The following PABPC4L variants were observed in gnomAD, a reference collection of about 807,000 sequenced individuals.
PABPC4L encodes polyadenylate-binding protein 4-like.
For synonymous variants in PABPC4L, 169 were observed against 164.1 expected (o/e 1.03, Z -0.23); for missense variants, 452 against 451.4 (o/e 1.00, Z -0.01).
chr4:134,018,839 G>A, the PABPC4L span, among the ~76,000 whole-genome samples: 1 of 151,956 alleles, frequency 6.6e-6, no homozygotes, highest in East Asian at 1.9e-4. Flanking sequence ...ACTACAGATG[G>A]CTTCAAATTT....
rs754981840 is a variant in PABPC4L, at chr4:134,197,340, A to G, written c.*2567T>C. 1 of 151,740 alleles carries G rather than the reference A, an allele frequency of 6.6e-6. No individual in the cohort carries two copies. The highest frequency in any genetic ancestry group is 1.5e-5 in the Non-Finnish European group (1 of 67,664). 9.4% of individuals were successfully genotyped at this position (151,740 alleles called of 1,614,324 possible). The stretch of plus-strand genomic sequence containing the variant: ...CTTTTTATGAACCAAAATTTTAGTT[A>G]GAAGCATTGAGAATATGAAAATCTG... On this transcript the variant is annotated 3_prime_UTR_variant, in exon 2 of 2. Coordinates refer to ENST00000421491, the MANE Select transcript of PABPC4L (RefSeq NM_001114734.2).
At chr4:134,109,305 G>A in the PABPC4L span, among the ~76,000 whole-genome samples, 1 of 151,642 alleles carries the variant, frequency 6.6e-6, no homozygotes. Context: ...ACATTTGGTG[G>A]CTTTTAGAGA....
chr4:134,179,268 A>T, the PABPC4L span, among the ~76,000 whole-genome samples: 1 of 151,956 alleles, frequency 6.6e-6, no homozygotes. Flanking sequence ...AGAAAAAAAA[A>T]TTTCAACCAA....
chr4:134,141,282 A>C, the PABPC4L span, among the ~76,000 whole-genome samples: 511 of 151,662 alleles, frequency 3.4e-3, 3 homozygotes, highest in Middle Eastern at 0.01. Context: ...CTTTTCTGAA[A>C]TGTATCTGGT....
At chr4:134,078,651 CTTT>C in the PABPC4L span, among the ~76,000 whole-genome samples, 51 of 115,866 alleles carry the variant, frequency 4.4e-4, no homozygotes, top group African/African-American at 1.3e-3. Context: ...AGTTTTGTAG[CTTT>C]TTTTTTTTTT....
At chr4:134,129,671 A>G in the PABPC4L span, among the ~76,000 whole-genome samples, 1 of 152,012 alleles carries the variant, frequency 6.6e-6, no homozygotes, top group Non-Finnish European at 1.5e-5. Flanking sequence ...CTGAATGATA[A>G]TTATAATTAA....
the PABPC4L span, among the ~76,000 whole-genome samples, chr4:134,157,267 T>TG: frequency 2.0e-5 from 3 of 148,222 alleles, no homozygotes; most frequent in Admixed American, 6.8e-5. Context: ...TGCTCTTAGT[T>TG]TTTTTTTTTT....
chr4:134,036,942 G>A, the PABPC4L span, among the ~76,000 whole-genome samples: 1 of 151,784 alleles, frequency 6.6e-6, no homozygotes, highest in Non-Finnish European at 1.5e-5. Flanking sequence ...TGTAATCCCA[G>A]CTACTCGGGA....
the PABPC4L span, among the ~76,000 whole-genome samples, chr4:134,031,096 G>A: frequency 6.6e-6 from 1 of 151,956 alleles, no homozygotes; most frequent in Admixed American, 6.6e-5. Context: ...TTGAAAACTG[G>A]ATATTCCAGA....
At chr4:134,132,499 A>G in the PABPC4L span, among the ~76,000 whole-genome samples, 1 of 152,008 alleles carries the variant, frequency 6.6e-6, no homozygotes, top group Non-Finnish European at 1.5e-5. Flanking sequence ...AATGCACCCA[A>G]AACCATAATG....
the PABPC4L span, among the ~76,000 whole-genome samples, chr4:133,966,790 A>T: frequency 5.9e-5 from 9 of 152,176 alleles, no homozygotes; most frequent in East Asian, 1.7e-3. Flanking sequence ...GATACAATGG[A>T]CTTTGGGGAC....
the PABPC4L span, among the ~76,000 whole-genome samples, chr4:133,948,577 T>A: frequency 6.6e-6 from 1 of 152,340 alleles, no homozygotes; most frequent in Admixed American, 6.5e-5. Context: ...ATGAGAAGAT[T>A]GCTTTAGGGT....
the PABPC4L span, among the ~76,000 whole-genome samples, chr4:133,999,551 A>T: frequency 2.6e-5 from 4 of 152,206 alleles, no homozygotes; most frequent in East Asian, 3.9e-4. Context: ...GATTTCACAA[A>T]TTTTTTATGT....
chr4:134,201,027 T>C lies in PABPC4L; in HGVS notation c.-8A>G. On this transcript the variant is annotated 5_prime_UTR_variant, in exon 2 of 2. Transcript: ENST00000421491. ...CTTGGCTGCTACATTCATCTCCTTG[T>C]CCTTGCCACTGTGAGTTTGTCCCCT... 1 of 1,551,752 alleles carries C rather than the reference T, an allele frequency of 6.4e-7. No homozygotes were observed. The highest frequency in any genetic ancestry group is 8.7e-7 in the Non-Finnish European group (1 of 1,147,000).
the PABPC4L span, among the ~76,000 whole-genome samples, chr4:134,153,032 A>C: frequency 6.6e-6 from 1 of 152,166 alleles, no homozygotes; most frequent in African/African-American, 2.4e-5. Flanking sequence ...TAGAAAGGTT[A>C]ATCTAGTCAT....
chr4:134,149,306 C>T, the PABPC4L span, among the ~76,000 whole-genome samples: 1 of 152,130 alleles, frequency 6.6e-6, no homozygotes, highest in Non-Finnish European at 1.5e-5. Flanking sequence ...GGAAGCTGAA[C>T]TCCACTGTAA....
chr4:134,081,166 G>A, the PABPC4L span, among the ~76,000 whole-genome samples: 1 of 152,120 alleles, frequency 6.6e-6, no homozygotes, highest in Non-Finnish European at 1.5e-5. Context: ...TACATTTAAT[G>A]GCTGTTGAAG....
At chr4:134,033,213 T>G in the PABPC4L span, among the ~76,000 whole-genome samples, 1 of 151,760 alleles carries the variant, frequency 6.6e-6, no homozygotes, top group Admixed American at 6.6e-5. Flanking sequence ...CAATTGTAAC[T>G]GTTCTGGAGG....
chr4:134,175,392 C>CT, the PABPC4L span, among the ~76,000 whole-genome samples: 1 of 151,144 alleles, frequency 6.6e-6, no homozygotes, highest in South Asian at 2.1e-4. Context: ...ATGATCTGAC[C>CT]TTTTTTTAAT....
Sources: gnomAD v4.1 joint callset for allele counts (sites outside exome capture counted in the v4.1 genomes callset) on GRCh38, gnomAD v4.1.1 for gene constraint, MANE v1.5 for transcripts, NCBI Gene and HGNC (gene_info 2026-07-23, HGNC 2026-07-21) for gene names.